AXDND1: variants seen among roughly 807,000 people sequenced by gnomAD.
The protein encoded by AXDND1 is axonemal dynein light chain domain-containing protein 1.
A neutral mutation model predicts 137.5 loss-of-function variants in AXDND1; 110 were observed. The ratio of observed to expected loss-of-function variants is 0.80; its 90% CI spans 0.69 to 0.94. The LOEUF is 0.94. AXDND1 is among the 40% of genes least tolerant of loss of function. AXDND1 has a pLI of 0.00. For missense variants in AXDND1, 1,191 were observed against 1,169.8 expected, an observed-to-expected ratio of 1.02 and a Z score of -0.26; for synonymous variants, 414 against 399.7, an observed-to-expected ratio of 1.04 and a Z score of -0.43.
chr1:179,447,946 G>A, intron 16 of AXDND1: 2 of 1,391,520 alleles, frequency 1.4e-6, no homozygotes, highest in South Asian at 1.2e-5. Context: ...TGTTAACGTT[G>A]AGCTGGCTGC....
In AXDND1 at chr1:179,404,904, A is replaced by G. The variant is rs565272358; in HGVS notation, c.1110-6242A>G. On this transcript the variant is annotated intron_variant, in intron 11 of 25. Transcript: ENST00000367618. ...GTCTTGGGCTTTGCTTTGTTGGGAG[A>G]CTTTTTTTTTTTTAATTATACTTTA... Among the ~76,000 whole-genome samples the G allele has an allele frequency of 3.3e-5, 5 of 150,114 alleles. No homozygotes were observed. In the South Asian group the frequency reaches 1.0e-3, roughly 31 times the overall value.
intron 21 of AXDND1, among the ~76,000 whole-genome samples, chr1:179,510,485 C>A (rs1410107515): frequency 6.6e-6 from 1 of 152,086 alleles, no homozygotes; most frequent in African/African-American, 2.4e-5. Context: ...GAAATATCAT[C>A]TTTCTAAATT....
At chr1:179,394,842 C>T (rs1650801489) in intron 10 of AXDND1, among the ~76,000 whole-genome samples, 1 of 152,100 alleles carries the variant, frequency 6.6e-6, no homozygotes. Flanking sequence ...CAGCATCTGC[C>T]TCCCTCCATT....
intron 16 of AXDND1, chr1:179,447,927 G>GT (rs1351926372): frequency 1.5e-6 from 2 of 1,373,698 alleles, no homozygotes; most frequent in African/African-American, 2.8e-5. Flanking sequence ...GAGAGAGCGT[G>GT]TTTAAATCTG....
intron 11 of AXDND1, among the ~76,000 whole-genome samples, chr1:179,399,812 A>C (rs1651681310): frequency 6.6e-6 from 1 of 152,248 alleles, no homozygotes; most frequent in Non-Finnish European, 1.5e-5. Context: ...ATGGGCAACA[A>C]ACATATGAAA....
intron 2 of AXDND1, 57 bp from the exon 3 acceptor site, chr1:179,368,743 T>C: frequency 7.1e-7 from 1 of 1,402,334 alleles, no homozygotes; most frequent in Non-Finnish European, 9.7e-7. Flanking sequence ...TCTGAGAAGC[T>C]CCATCTAACT....
At chr1:179,411,378 T>A in intron 12 of AXDND1, 112 bp downstream of exon 12, 1 of 1,406,072 alleles carries the variant, frequency 7.1e-7, no homozygotes, top group South Asian at 1.3e-5. Flanking sequence ...TCTTACTCAC[T>A]CTGTTGCTTA....
At chr1:179,431,344 G>A (rs778743533) in intron 14 of AXDND1, among the ~76,000 whole-genome samples, 1 of 151,820 alleles carries the variant, frequency 6.6e-6, no homozygotes, top group Non-Finnish European at 1.5e-5. Context: ...GTTTTACCAT[G>A]TTAGCCAGGC....
At chr1:179,486,581 A>G (rs185908385) in intron 18 of AXDND1, among the ~76,000 whole-genome samples, 2 of 146,474 alleles carry the variant, frequency 1.4e-5, no homozygotes, top group Non-Finnish European at 3.0e-5. Context: ...AGGTAGAGAG[A>G]AGGGGCAGGT....
intron 25 of AXDND1, chr1:179,544,808 C>T (rs1233794021): frequency 1.3e-5 from 2 of 152,040 alleles, no homozygotes; most frequent in South Asian, 4.1e-4. Context: ...TTGCAATAAC[C>T]CTGCAAAGTA....
intron 20 of AXDND1, among the ~76,000 whole-genome samples, chr1:179,504,387 G>A (rs1428289715): frequency 6.6e-6 from 1 of 152,186 alleles, no homozygotes; most frequent in African/African-American, 2.4e-5. Flanking sequence ...ACAGATGGTG[G>A]TGGAGACCCA....
chr1:179,464,567 T>C (rs991044788), intron 16 of AXDND1, among the ~76,000 whole-genome samples: 1 of 152,168 alleles, frequency 6.6e-6, no homozygotes, highest in African/African-American at 2.4e-5. Flanking sequence ...TCATTTCAAC[T>C]TTGGTGAATC....
At chr1:179,370,192 A>G (rs1667905451) in intron 4 of AXDND1, 114 bp downstream of exon 4, 1 of 822,116 alleles carries the variant, frequency 1.2e-6, no homozygotes, top group Admixed American at 2.4e-5. Context: ...AGATGATAAA[A>G]TTTACAGTAT....
chr1:179,535,355 T>A (rs909034115), intron 25 of AXDND1, among the ~76,000 whole-genome samples: 1 of 152,126 alleles, frequency 6.6e-6, no homozygotes, highest in Admixed American at 6.6e-5. Flanking sequence ...GTATTTCTCC[T>A]AATGCTATCC....
intron 6 of AXDND1, among the ~76,000 whole-genome samples, chr1:179,382,224 G>A (rs563525531): frequency 1.8e-4 from 27 of 150,316 alleles, no homozygotes; most frequent in Admixed American, 1.0e-3. Context: ...GATTACAGGC[G>A]CCTGCCACCA....
chr1:179,378,877 T>G, intron 5 of AXDND1, 120 bp downstream of exon 5: 1 of 778,234 alleles, frequency 1.3e-6, no homozygotes, highest in Non-Finnish European at 1.7e-6. Flanking sequence ...ACAACCTGCA[T>G]TGCTCACCAA....
chr1:179,406,736 A>G (rs942793910), intron 11 of AXDND1, among the ~76,000 whole-genome samples: 1 of 151,996 alleles, frequency 6.6e-6, no homozygotes, highest in African/African-American at 2.4e-5. Context: ...CTTTTAGGCT[A>G]TATATGTTTT....
chr1:179,546,084 A>T (rs1032792463), intron 25 of AXDND1: 3 of 152,160 alleles, frequency 2.0e-5, no homozygotes, highest in African/African-American at 7.2e-5. Context: ...TTTCATCCTT[A>T]CATTATTCTG....
chr1:179,463,339 G>A (rs567250887), intron 16 of AXDND1, among the ~76,000 whole-genome samples: 12 of 152,154 alleles, frequency 7.9e-5, no homozygotes, highest in African/African-American at 2.6e-4. Flanking sequence ...CATTGGTTTC[G>A]AAGAGCATCT....
Sources: gnomAD v4.1 joint callset for allele counts (sites outside exome capture counted in the v4.1 genomes callset) on GRCh38, gnomAD v4.1.1 for gene constraint, MANE v1.5 for transcripts, NCBI Gene and HGNC (gene_info 2026-07-23, HGNC 2026-07-21) for gene names.